PIP5K1B: variants seen among roughly 807,000 people sequenced by gnomAD.
The protein encoded by PIP5K1B is phosphatidylinositol-4-phosphate 5-kinase type 1 beta.
Under a neutral mutation model 67.0 loss-of-function variants are expected in PIP5K1B, and 42 were observed. The ratio of observed to expected loss-of-function variants is 0.63; its 90% confidence interval spans 0.49 to 0.81. The LOEUF (loss-of-function observed/expected upper bound fraction) is 0.81, where lower values mean the gene tolerates loss of function less well. Among genes scored for constraint, PIP5K1B ranks in the 30% least tolerant of loss-of-function variants. The pLI, the probability that PIP5K1B is intolerant of heterozygous loss-of-function variation, is 0.00. For synonymous variants in PIP5K1B, 214 were observed against 231.4 expected (o/e 0.92, Z 0.68); for missense variants, 459 against 646.3 (o/e 0.71, Z 3.14).
At position 68,765,513 on chromosome 9, in the gene PIP5K1B, G is replaced by A. The variant is rs76551742; in HGVS notation, c.-86+22856G>A. Among the ~76,000 whole-genome samples the A allele has an allele frequency of 4.6e-3, 693 of 152,080 alleles. 2 individuals carry two copies. Among genetic ancestry groups the A allele is most frequent in the Non-Finnish European group, 7.4e-3 (506 of 67,930 alleles). ...CAAAGTTCCAAGCAGAAGTGCCAGA[G>A]CTATTTTTAAATGTACAAGGCATGC... is the stretch of plus-strand genomic sequence containing the variant. On this transcript the variant is annotated intron_variant, in intron 2 of 15. Transcript: ENST00000265382.
chr9:68,982,530 G>A (rs888722175), intron 14 of PIP5K1B, among the ~76,000 whole-genome samples: 2 of 152,176 alleles, frequency 1.3e-5, no homozygotes, highest in Non-Finnish European at 2.9e-5. Flanking sequence ...GCTGAGGTGG[G>A]TGGATCGCCC....
At position 68,888,758 on chromosome 9, in the gene PIP5K1B, T is replaced by C. The variant is rs189936593; in HGVS notation, c.319-223T>C. 2.7e-3 allele frequency among the ~76,000 whole-genome samples: 416 copies of C among 152,188 alleles called. 2 individuals carry two copies. Among genetic ancestry groups the C allele is most frequent in the Middle Eastern group, 0.017 (5 of 294 alleles). ...ATCGCATGACTCTGGGGGTTAGGAG[T>C]GTATGTCTGTTTTTCATCATAGAAT... On this transcript the variant is annotated intron_variant, in intron 6 of 15. Transcript: ENST00000265382.
At chr9:68,826,790 C>T (rs1406169939) in intron 4 of PIP5K1B, among the ~76,000 whole-genome samples, 2 of 152,142 alleles carry the variant, frequency 1.3e-5, no homozygotes, top group Admixed American at 6.6e-5. Flanking sequence ...CTCACTCTAT[C>T]GCCCAGGCTG....
chr9:69,007,479 ATAAAG>A (rs1366302218), intron 15 of PIP5K1B, among the ~76,000 whole-genome samples: 2 of 152,210 alleles, frequency 1.3e-5, no homozygotes, highest in African/African-American at 4.8e-5. Flanking sequence ...CCACCACCCT[ATAAAG>A]TAGAGTTTGT....
intron 5 of PIP5K1B, among the ~76,000 whole-genome samples, chr9:68,869,064 A>C (rs1564195090): frequency 6.6e-6 from 1 of 152,224 alleles, no homozygotes; most frequent in African/African-American, 2.4e-5. Context: ...TACAGGTTTG[A>C]CAAACTAGCC....
intron 14 of PIP5K1B, among the ~76,000 whole-genome samples, chr9:68,947,295 G>C (rs536062378): frequency 6.6e-6 from 1 of 152,306 alleles, no homozygotes; most frequent in Admixed American, 6.5e-5. Flanking sequence ...TTGGAGAAGG[G>C]ACAGTGGCGG....
intron 14 of PIP5K1B, among the ~76,000 whole-genome samples, chr9:68,966,293 C>T (rs1209663934): frequency 6.6e-6 from 1 of 152,132 alleles, no homozygotes; most frequent in African/African-American, 2.4e-5. Flanking sequence ...GTTGGCCACA[C>T]TTAGTGGCTT....
chr9:68,994,879 G>C (rs1171545082), intron 15 of PIP5K1B, among the ~76,000 whole-genome samples: 1 of 151,894 alleles, frequency 6.6e-6, no homozygotes, highest in African/African-American at 2.4e-5. Context: ...AAATTACAAA[G>C]AGATATAGAA....
At chr9:68,970,426 A>G (rs1028676203) in intron 14 of PIP5K1B, among the ~76,000 whole-genome samples, 2 of 152,246 alleles carry the variant, frequency 1.3e-5, no homozygotes, top group Non-Finnish European at 2.9e-5. Flanking sequence ...GTTCCTGGCA[A>G]TTAGTAGGAA....
intron 2 of PIP5K1B, among the ~76,000 whole-genome samples, chr9:68,809,958 G>C (rs1047933389): frequency 3.3e-5 from 5 of 152,160 alleles, no homozygotes; most frequent in African/African-American, 4.8e-5. Flanking sequence ...TGCCTGACAT[G>C]TTATGCTCCA....
At chr9:68,715,328 TG>T (rs1827582311) in intron 1 of PIP5K1B, among the ~76,000 whole-genome samples, 2 of 152,118 alleles carry the variant, frequency 1.3e-5, no homozygotes, top group Admixed American at 1.3e-4. Flanking sequence ...GTCATTGACA[TG>T]GTTCCAGAGC....
chr9:68,883,732 G>A (rs1255252851), intron 6 of PIP5K1B, among the ~76,000 whole-genome samples: 1 of 151,846 alleles, frequency 6.6e-6, no homozygotes, highest in African/African-American at 2.4e-5. Flanking sequence ...TCAAGATATG[G>A]CTGTTTATAT....
chr9:68,933,581 T>C (rs7024257), intron 12 of PIP5K1B, among the ~76,000 whole-genome samples: 3,083 of 152,254 alleles, frequency 0.02, 77 homozygotes, highest in African/African-American at 0.061. Context: ...CTGAAATTCA[T>C]GCTTGCTAGT....
chr9:68,781,045 CT>C (rs769887313), intron 2 of PIP5K1B: 1 of 1,602,060 alleles, frequency 6.2e-7, no homozygotes, highest in Non-Finnish European at 8.5e-7. Context: ...CATCCTGAGA[CT>C]TTCTTTTTGC....
At chr9:68,781,196 T>C in intron 2 of PIP5K1B, 3 of 853,150 alleles carry the variant, frequency 3.5e-6, no homozygotes, top group East Asian at 2.6e-5. Flanking sequence ...GTCAGGTTCC[T>C]TTGGATACCC....
chr9:68,731,229 G>T (rs1828415250), intron 1 of PIP5K1B, among the ~76,000 whole-genome samples: 1 of 152,220 alleles, frequency 6.6e-6, no homozygotes, highest in Non-Finnish European at 1.5e-5. Context: ...AATATCTGTT[G>T]TGCCAATATG....
At chr9:68,846,130 A>G (rs955074527) in intron 4 of PIP5K1B, among the ~76,000 whole-genome samples, 6 of 152,236 alleles carry the variant, frequency 3.9e-5, no homozygotes, top group African/African-American at 1.4e-4. Context: ...AAATATCTCA[A>G]TGGAAGTCAT....
intron 1 of PIP5K1B, among the ~76,000 whole-genome samples, chr9:68,727,317 T>C (rs1587349665): frequency 6.6e-6 from 1 of 151,996 alleles, no homozygotes; most frequent in Admixed American, 6.6e-5. Flanking sequence ...AAAGCAAGAG[T>C]TGATCACTCT....
chr9:68,822,714 A>G (rs1023491888), intron 4 of PIP5K1B, 31 bp downstream of exon 4: 2 of 1,493,250 alleles, frequency 1.3e-6, no homozygotes, highest in Non-Finnish European at 1.9e-6. Context: ...CTAAAGAGGA[A>G]CACCGTTTTG....
Sources: gnomAD v4.1 joint callset for allele counts (sites outside exome capture counted in the v4.1 genomes callset) on GRCh38, gnomAD v4.1.1 for gene constraint, MANE v1.5 for transcripts, NCBI Gene and HGNC (gene_info 2026-07-23, HGNC 2026-07-21) for gene names.